The following PACS1 variants were observed in gnomAD, a reference collection of about 807,000 sequenced individuals.
The protein encoded by PACS1 is phosphofurin acidic cluster sorting protein 1, also known as PACS-1.
A neutral mutation model predicts 115.0 loss-of-function variants in PACS1; 24 were observed. The ratio of observed to expected loss-of-function variants is 0.21; its 90% CI spans 0.15 to 0.29. The LOEUF (loss-of-function observed/expected upper bound fraction) is 0.29, where lower values mean the gene tolerates loss of function less well. PACS1 is among the 10% of genes least tolerant of loss of function. The pLI, the probability that PACS1 is intolerant of heterozygous loss-of-function variation, is 1.00. For synonymous variants in PACS1, 453 were observed against 504.5 expected (o/e 0.90, Z 1.37); for missense variants, 838 against 1,251.2 (o/e 0.67, Z 4.98).
rs184966805 is a variant in PACS1 at position 66,117,799 on chromosome 11, T to G, written c.356+46957T>G. Among the ~76,000 whole-genome samples, 88 of 151,788 alleles carry G rather than the reference T, an allele frequency of 5.8e-4. 1 individual carries two copies. The East Asian group carries it at 0.013, about 22-fold the overall frequency. On this transcript the variant is annotated intron_variant, in intron 1 of 23. Transcript: ENST00000320580. Reference sequence around the variant, plus strand: ...AGGTGAGGTTGCAGTGAGCCGAGATTGCGCCATTGCACTCCAGCCTGGGCA... The same window carrying G: ...AGGTGAGGTTGCAGTGAGCCGAGATGGCGCCATTGCACTCCAGCCTGGGCA...
intron 5 of PACS1, 45 bp downstream of exon 5, chr11:66,216,308 A>G (rs778583122): frequency 1.9e-6 from 3 of 1,608,622 alleles, no homozygotes; most frequent in South Asian, 1.1e-5. Flanking sequence ...GAGGGAGCCC[A>G]TCCTGGGAAA....
intron 1 of PACS1, among the ~76,000 whole-genome samples, chr11:66,157,185 TC>T (rs1859381717): frequency 2.6e-5 from 4 of 152,240 alleles, no homozygotes; most frequent in South Asian, 4.1e-4. Context: ...TTATATTTCC[TC>T]CCTCCCCAAC....
chr11:66,233,106 C>A lies in PACS1; in HGVS notation c.1838+40C>A. The stretch of plus-strand genomic sequence containing the variant: ...CTCCCTTCTCCTGCCCTTAGAGATT[C>A]CCTCTGACCTCATCTTCCAACCCTG... On this transcript the variant is annotated intron_variant, in intron 15 of 23. Coordinates refer to ENST00000320580, the MANE Select transcript of PACS1 (RefSeq NM_018026.4). The surrounding 1 kb of genome is among the most constrained non-coding windows in gnomAD (Gnocchi z 4.5). 1 of 1,419,826 alleles carries A rather than the reference C, an allele frequency of 7.0e-7. No homozygotes were observed. Among genetic ancestry groups the A allele is most frequent in the Non-Finnish European group, 9.9e-7 (1 of 1,014,966 alleles). The allele number at this position is 1,419,826 out of a possible 1,614,324, so 88.0% of individuals were successfully genotyped here. A position where few individuals can be genotyped will look rare whatever the true frequency, so the allele number is the denominator to read the frequency against.
intron 7 of PACS1, 59 bp downstream of exon 7, chr11:66,216,834 G>A: frequency 8.2e-7 from 1 of 1,224,570 alleles, no homozygotes; most frequent in Admixed American, 1.9e-5. Context: ...GGGTAGGTTG[G>A]CAGCAGCATA....
intron 1 of PACS1, among the ~76,000 whole-genome samples, chr11:66,167,990 A>G (rs1489253420): frequency 1.3e-5 from 2 of 150,290 alleles, no homozygotes; most frequent in Admixed American, 1.3e-4. Flanking sequence ...GCTCATTGCA[A>G]CCTCAACTTC....
intron 1 of PACS1, among the ~76,000 whole-genome samples, chr11:66,145,024 A>G (rs1164848084): frequency 6.6e-6 from 1 of 152,254 alleles, no homozygotes; most frequent in African/African-American, 2.4e-5. Flanking sequence ...GAAAGAGGGC[A>G]TTTAAAAGTA....
chr11:66,242,920 AT>A lies in PACS1; in HGVS notation c.2666del (p.Ile889ThrfsTer3). ...CCTTGCTTGCTTTCCAGTTCCCACC[AT>A]CTTCCTGAGCAAGAAACCCCGAGAA... ...TKEKNKKVPT[I>X]FLSKKPREKE... is the part of the protein sequence containing the mutation. On this transcript the variant is annotated frameshift_variant, in exon 23 of 24. Coordinates refer to ENST00000320580, the MANE Select transcript of PACS1 (RefSeq NM_018026.4). LOFTEE classifies it high-confidence loss of function. 1 of 1,613,986 alleles carries A rather than the reference AT, an allele frequency of 6.2e-7. No homozygotes were observed. The highest frequency in any genetic ancestry group is 8.5e-7 in the Non-Finnish European group (1 of 1,179,960).
chr11:66,096,790 C>T (rs894623078), intron 1 of PACS1, among the ~76,000 whole-genome samples: 15 of 151,798 alleles, frequency 9.9e-5, no homozygotes, highest in African/African-American at 3.6e-4. Context: ...GGCCTGAGCA[C>T]CGCGCCCAGC....
intron 2 of PACS1, among the ~76,000 whole-genome samples, chr11:66,202,741 AAATATATAT>A (rs1305003104): frequency 7.5e-5 from 7 of 93,878 alleles, no homozygotes; most frequent in Admixed American, 3.6e-4. Flanking sequence ...AAAAAAAAAA[AAATATATAT>A]ATATATATAT....
intron 1 of PACS1, among the ~76,000 whole-genome samples, chr11:66,164,525 A>G (rs1195855680): frequency 7.3e-6 from 1 of 136,300 alleles, no homozygotes; most frequent in Non-Finnish European, 1.6e-5. Context: ...AGGAGTTCAA[A>G]TCCAGCCTGG....
intron 1 of PACS1, among the ~76,000 whole-genome samples, chr11:66,114,106 G>GTT (rs11462891): frequency 4.0e-4 from 60 of 150,736 alleles, no homozygotes; most frequent in Middle Eastern, 3.4e-3. Flanking sequence ...TGTTCAGCTT[G>GTT]TTTTTTTTTC....
At chr11:66,145,979 A>T in intron 1 of PACS1, among the ~76,000 whole-genome samples, 1 of 152,374 alleles carries the variant, frequency 6.6e-6, no homozygotes, top group Non-Finnish European at 1.5e-5. Context: ...AGTCAGGGCA[A>T]ATTACTAAAG....
chr11:66,100,582 G>A (rs1857894239), intron 1 of PACS1, among the ~76,000 whole-genome samples: 1 of 152,212 alleles, frequency 6.6e-6, no homozygotes, highest in Admixed American at 6.5e-5. Context: ...ATCTACTGTT[G>A]TGTAAAAAAG....
At chr11:66,115,176 T>C (rs1858277128) in intron 1 of PACS1, among the ~76,000 whole-genome samples, 1 of 136,512 alleles carries the variant, frequency 7.3e-6, no homozygotes, top group Non-Finnish European at 1.5e-5. Flanking sequence ...GCCACTGCAC[T>C]CCAGCCCAGG....
At chr11:66,213,372 G>A (rs1046016880) in intron 4 of PACS1, among the ~76,000 whole-genome samples, 8 of 152,238 alleles carry the variant, frequency 5.3e-5, no homozygotes, top group East Asian at 1.9e-4. Context: ...ACATCCTACC[G>A]TACTTTCTGG....
chr11:66,129,102 A>G (rs967121352), intron 1 of PACS1, among the ~76,000 whole-genome samples: 2 of 151,996 alleles, frequency 1.3e-5, no homozygotes, highest in African/African-American at 4.8e-5. Context: ...TTGTATGTAA[A>G]TTATACTGTA....
intron 14 of PACS1, 91 bp downstream of exon 14, chr11:66,232,367 G>C: frequency 1.4e-6 from 1 of 726,292 alleles, no homozygotes. Context: ...CTATTGCGTG[G>C]GGAGGTGGGG....
At chr11:66,172,339 G>A (rs1859759133) in intron 1 of PACS1, among the ~76,000 whole-genome samples, 3 of 152,174 alleles carry the variant, frequency 2.0e-5, no homozygotes, top group African/African-American at 4.8e-5. Context: ...GCATTGGAAC[G>A]TTGCAGCAGT....
chr11:66,161,401 C>T (rs897597485), intron 1 of PACS1, among the ~76,000 whole-genome samples: 10 of 151,266 alleles, frequency 6.6e-5, no homozygotes, highest in African/African-American at 1.9e-4. Context: ...TTCAGTGAGC[C>T]GAGATCACAC....
Sources: gnomAD v4.1 joint callset for allele counts (sites outside exome capture counted in the v4.1 genomes callset) on GRCh38, gnomAD v4.1.1 for gene constraint, Gnocchi (gnomAD v3.1) non-coding constraint, MANE v1.5 for transcripts, NCBI Gene and HGNC (gene_info 2026-07-23, HGNC 2026-07-21) for gene names.